The following MCUR1 variants were observed in gnomAD, a reference collection of about 807,000 sequenced individuals.
MCUR1 encodes MCU regulator 1.
A neutral mutation model predicts 42.0 loss-of-function variants in MCUR1; 37 were observed. The observed-to-expected ratio is 0.88, with a 90% confidence interval of 0.68 to 1.16. MCUR1 has a LOEUF of 1.16. Ranked by LOEUF, MCUR1 falls within the 50% of genes most tolerant of loss-of-function variation. The pLI, the probability that MCUR1 is intolerant of heterozygous loss-of-function variation, is 0.00. For synonymous variants in MCUR1, 229 were observed against 196.2 expected (o/e 1.17, Z -1.40); for missense variants, 469 against 468.4 (o/e 1.00, Z -0.01).
chr6:13,798,987 G>T, intron 5 of MCUR1, 83 bp from the exon 6 acceptor site: 2 of 813,310 alleles, frequency 2.5e-6, no homozygotes, highest in Non-Finnish European at 4.2e-6. Flanking sequence ...TGGGACCACT[G>T]CCCCCACTGT....
At chr6:13,802,503 G>A (rs747536068) in intron 2 of MCUR1, among the ~76,000 whole-genome samples, 157 bp from the exon 3 acceptor site, 1 of 152,104 alleles carries the variant, frequency 6.6e-6, no homozygotes, top group South Asian at 2.1e-4. Context: ...ATGACGTGCC[G>A]GTCACTCAGA....
At chr6:13,795,521 CGA>C (rs142976911) in intron 6 of MCUR1, among the ~76,000 whole-genome samples, 2 of 152,258 alleles carry the variant, frequency 1.3e-5, no homozygotes, top group East Asian at 3.9e-4. Context: ...ACCGAAAGAA[CGA>C]GAGCCAGAAA....
chr6:13,804,680 C>G (rs868604584), intron 2 of MCUR1, among the ~76,000 whole-genome samples: 68 of 150,964 alleles, frequency 4.5e-4, no homozygotes, highest in African/African-American at 1.7e-3. Flanking sequence ...GTCTTAGGTA[C>G]TCGGAAGCCT....
intron 6 of MCUR1, among the ~76,000 whole-genome samples, chr6:13,795,456 A>G (rs2113457740): frequency 6.6e-6 from 1 of 152,348 alleles, no homozygotes; most frequent in East Asian, 1.9e-4. Context: ...TGCTTTTGGA[A>G]CTGGCTGTAA....
intron 1 of MCUR1, 141 bp downstream of exon 1, chr6:13,813,874 C>A: frequency 2.2e-6 from 2 of 924,698 alleles, no homozygotes; most frequent in Non-Finnish European, 2.8e-6. Flanking sequence ...TCGACCCACG[C>A]TCCGGGCAGA....
rs538878653 is a variant in MCUR1, at chr6:13,814,105, C to T, written c.325G>A (p.Ala109Thr). ...GCGACGCCCGGTGAGCACCTCCACGCGCTGCTGCGCCCGGCCGGGGGTGCG... is the reference window on the plus strand; with the variant it reads ...GCGACGCCCGGTGAGCACCTCCACGTGCTGCTGCGCCCGGCCGGGGGTGCG... ...YAAPPAGRSS[A>T]WRCSPGVAAA... Residue 109 changes from alanine to threonine, a missense_variant, in exon 1 of 9, where the codon GCG becomes ACG. Physicochemically the swap from Ala to Thr is moderately conservative, Grantham distance 58. Coordinates refer to ENST00000379170, the MANE Select transcript of MCUR1 (RefSeq NM_001031713.4). The T allele has an allele frequency of 4.0e-6, 5 of 1,253,348 alleles. No individual in the cohort carries two copies. In the East Asian group the frequency reaches 9.5e-5, roughly 24 times the overall value. 77.6% of individuals were successfully genotyped at this position (1,253,348 alleles called of 1,614,324 possible). A position where few individuals can be genotyped will look rare whatever the true frequency, so the allele number is the denominator to read the frequency against.
In MCUR1 at chr6:13,795,639, G is replaced by A. The variant is rs116384160; in HGVS notation, c.856-1692C>T. Among the ~76,000 whole-genome samples the A allele has an allele frequency of 2.8e-3, 425 of 152,208 alleles. 4 individuals are homozygous for A. Among genetic ancestry groups the A allele is most frequent in the African/African-American group, 9.7e-3 (402 of 41,516 alleles). The stretch of plus-strand genomic sequence containing the variant: ...TATGATTACCAAGAACAACCTCCCC[G>A]CTAGGTTACTAAATGACATAAATTC... On this transcript the variant is annotated intron_variant, in intron 6 of 8. Transcript: ENST00000379170.
intron 2 of MCUR1, chr6:13,804,206 C>A: frequency 9.9e-6 from 2 of 202,742 alleles, no homozygotes; most frequent in East Asian, 1.7e-4. Context: ...GCCTGTAATC[C>A]CAGCTACTCA....
rs142689194 is a variant in MCUR1 at position 13,793,524 on chromosome 6, T to C, written c.909+370A>G. Among the ~76,000 whole-genome samples, 171 of 152,264 alleles carry C rather than the reference T, an allele frequency of 1.1e-3. 1 individual carries two copies. The highest frequency in any genetic ancestry group is 3.9e-3 in the African/African-American group (161 of 41,556). Reference sequence around the variant, plus strand: ...AATAAGCCAGCCACAAAAAGACAAATGCTATGATTCTATTTATATGAGGTA... The same window carrying C: ...AATAAGCCAGCCACAAAAAGACAAACGCTATGATTCTATTTATATGAGGTA... On this transcript the variant is annotated intron_variant, in intron 7 of 8. Coordinates refer to ENST00000379170, the MANE Select transcript of MCUR1 (RefSeq NM_001031713.4).
rs952589434 is a variant in MCUR1, at chr6:13,790,579, G to A, written c.*230C>T. The A allele has an allele frequency of 3.7e-5, 11 of 296,366 alleles. No individual in the cohort carries two copies. Among genetic ancestry groups the A allele is most frequent in the Non-Finnish European group, 7.0e-5 (11 of 156,590 alleles). 18.4% of individuals were successfully genotyped at this position (296,366 alleles called of 1,614,324 possible). ...CCAGGTTCACACCTTAGCCTCCCGA[G>A]TAGCTGGGACTACAGGCGCCCGCCA... is the stretch of plus-strand genomic sequence containing the variant. On this transcript the variant is annotated 3_prime_UTR_variant, in exon 9 of 9. Transcript: ENST00000379170.
At chr6:13,810,696 CTCACAGCT>C (rs1760213281) in intron 1 of MCUR1, among the ~76,000 whole-genome samples, 2 of 152,244 alleles carry the variant, frequency 1.3e-5, no homozygotes, top group Non-Finnish European at 2.9e-5. Context: ...TCCCAGCCTA[CTCACAGCT>C]TGGGAAGGGG....
chr6:13,805,294 A>C (rs1425499302), intron 2 of MCUR1, among the ~76,000 whole-genome samples: 1 of 151,944 alleles, frequency 6.6e-6, no homozygotes, highest in East Asian at 1.9e-4. Flanking sequence ...GCCTGGCCTT[A>C]TCAGCATAAC....
rs575492972 is a variant in MCUR1 at position 13,787,313 on chromosome 6, C to T, written c.*3496G>A. 1.3e-5 allele frequency: 2 copies of T among 152,144 alleles called. No homozygotes were observed. The highest frequency in any genetic ancestry group is 3.9e-4 in the East Asian group (2 of 5,192). The allele number at this position is 152,144 out of a possible 1,614,324, so 9.4% of individuals were successfully genotyped here. ...TGTTCAGAGACGAATTCCAGCAAGA[C>T]TTCTGGTTTGAGTCAAGCCTTTCAA... is the stretch of plus-strand genomic sequence containing the variant. On this transcript the variant is annotated 3_prime_UTR_variant, in exon 9 of 9. Coordinates refer to ENST00000379170, the MANE Select transcript of MCUR1 (RefSeq NM_001031713.4).
intron 5 of MCUR1, 119 bp downstream of exon 5, chr6:13,800,222 A>G: frequency 4.4e-6 from 3 of 675,062 alleles, no homozygotes; most frequent in South Asian, 2.0e-5. Context: ...CTTTTGAGGC[A>G]TATTACACAA....
intron 6 of MCUR1, among the ~76,000 whole-genome samples, chr6:13,798,449 G>A (rs6920358): frequency 0.86 from 130,418 of 151,684 alleles, 56,586 homozygotes; most frequent in East Asian, 1. Flanking sequence ...ATTATTTAAT[G>A]TTAATAATTT....
intron 2 of MCUR1, 65 bp downstream of exon 2, chr6:13,806,860 C>T: frequency 6.8e-7 from 1 of 1,470,420 alleles, no homozygotes; most frequent in Non-Finnish European, 9.1e-7. Flanking sequence ...TAAATGAAAC[C>T]ATAAGAGAAG....
intron 1 of MCUR1, among the ~76,000 whole-genome samples, chr6:13,811,268 G>A (rs1386052370): frequency 6.6e-6 from 1 of 152,140 alleles, no homozygotes; most frequent in Non-Finnish European, 1.5e-5. Flanking sequence ...AAGCTGCCCA[G>A]GAGCAGCCAG....
At chr6:13,797,781 TAGG>T (rs1314775749) in intron 6 of MCUR1, among the ~76,000 whole-genome samples, 1 of 151,892 alleles carries the variant, frequency 6.6e-6, no homozygotes, top group Non-Finnish European at 1.5e-5. Context: ...CCCAGCACTT[TAGG>T]AGGACAAGGT....
intron 6 of MCUR1, among the ~76,000 whole-genome samples, chr6:13,797,849 C>T (rs1200748254): frequency 6.6e-6 from 1 of 151,834 alleles, no homozygotes; most frequent in Non-Finnish European, 1.5e-5. Flanking sequence ...CATGGTGAAA[C>T]CCTGTCTCTA....
Sources: gnomAD v4.1 joint callset for allele counts (sites outside exome capture counted in the v4.1 genomes callset) on GRCh38, gnomAD v4.1.1 for gene constraint, MANE v1.5 for transcripts, NCBI Gene and HGNC (gene_info 2026-07-23, HGNC 2026-07-21) for gene names.